Variants in GPC6 observed in about 807,000 individuals in gnomAD.
GPC6 encodes glypican 6, also known as glypican-6.
In GPC6, 14 loss-of-function variants were observed where a neutral mutation model predicts 55.2. The ratio of observed to expected loss-of-function variants is 0.25; its 90% CI spans 0.17 to 0.40. GPC6 has a LOEUF of 0.40. Ranked by LOEUF, GPC6 falls within the 10% of genes least tolerant of loss-of-function variation. The pLI is 1.00. For missense variants in GPC6, 641 were observed against 708.5 expected, an observed-to-expected ratio of 0.90 and a Z score of 1.08; for synonymous variants, 278 against 259.6, an observed-to-expected ratio of 1.07 and a Z score of -0.68.
intron 1 of GPC6, among the ~76,000 whole-genome samples, chr13:93,449,312 G>A (rs1566363350): frequency 1.3e-5 from 2 of 152,188 alleles, no homozygotes; most frequent in Non-Finnish European, 1.5e-5. Flanking sequence ...GGTATTGCCA[G>A]GACATCCAGT....
chr13:93,853,163 G>T (rs1051330655), intron 3 of GPC6, among the ~76,000 whole-genome samples: 9 of 151,694 alleles, frequency 5.9e-5, no homozygotes, highest in African/African-American at 1.9e-4. Flanking sequence ...CTAATTAAAT[G>T]GTGGGGATAA....
chr13:93,510,995 A>ATATG (rs1555306608), intron 1 of GPC6, among the ~76,000 whole-genome samples: 26 of 91,528 alleles, frequency 2.8e-4, no homozygotes, highest in African/African-American at 8.5e-4. Flanking sequence ...GTGTATATAT[A>ATATG]TATATATATA....
intron 1 of GPC6, among the ~76,000 whole-genome samples, chr13:93,349,681 A>C (rs1189898306): frequency 1.3e-5 from 2 of 152,180 alleles, no homozygotes; most frequent in Non-Finnish European, 2.9e-5. Context: ...TTCACTCTAC[A>C]TAGAAAAATA....
In GPC6 at chr13:93,233,749, C is replaced by A. The variant is rs558361321; in HGVS notation, c.160+6133C>A. 5.2e-4 allele frequency among the ~76,000 whole-genome samples: 79 copies of A among 152,112 alleles called. 5 individuals are homozygous for A. Among genetic ancestry groups the A allele is most frequent in the Middle Eastern group, 3.2e-3 (1 of 316 alleles). ...TTTCCTGTGTGGTGAGAATACCCTG[C>A]AAACATGAGGAGGGTTCCAGTCCCT... On this transcript the variant is annotated intron_variant, in intron 1 of 8. Coordinates refer to ENST00000377047, the MANE Select transcript of GPC6 (RefSeq NM_005708.5).
At chr13:93,833,080 T>C in intron 3 of GPC6, among the ~76,000 whole-genome samples, 1 of 140,250 alleles carries the variant, frequency 7.1e-6, no homozygotes, top group African/African-American at 2.6e-5. Context: ...GATGGATGGA[T>C]GGATGGATGG....
intron 1 of GPC6, among the ~76,000 whole-genome samples, chr13:93,426,572 AT>A (rs1364688365): frequency 2.0e-5 from 3 of 151,836 alleles, no homozygotes; most frequent in Non-Finnish European, 2.9e-5. Flanking sequence ...TGAACTCATC[AT>A]TTTTTATGGC....
At chr13:93,854,955 A>C (rs1414204830) in intron 3 of GPC6, among the ~76,000 whole-genome samples, 3 of 151,504 alleles carry the variant, frequency 2.0e-5, no homozygotes, top group African/African-American at 7.3e-5. Flanking sequence ...CCCTCACCTC[A>C]TGTACAGCCT....
intron 4 of GPC6, among the ~76,000 whole-genome samples, chr13:94,237,687 G>A (rs1890921423): frequency 1.3e-5 from 2 of 152,246 alleles, no homozygotes; most frequent in African/African-American, 4.8e-5. Flanking sequence ...GAAGGCTGGT[G>A]TAGTGAACTA....
At chr13:93,896,003 A>G (rs1176482455) in intron 3 of GPC6, among the ~76,000 whole-genome samples, 2 of 152,102 alleles carry the variant, frequency 1.3e-5, no homozygotes, top group Non-Finnish European at 2.9e-5. Context: ...ATAATTAACA[A>G]TAACTTAGTG....
rs1001054930 is a variant in GPC6, at chr13:93,227,311, T to G, written c.-146T>G. 2.2e-4 allele frequency: 162 copies of G among 743,518 alleles called. No individual in the cohort carries two copies. Among genetic ancestry groups the G allele is most frequent in the Non-Finnish European group, 3.2e-4 (140 of 442,756 alleles). The allele number at this position is 743,518 out of a possible 1,614,324, so 46.1% of individuals were successfully genotyped here. On this transcript the variant is annotated 5_prime_UTR_variant, in exon 1 of 9. Transcript: ENST00000377047. This position sits in a 1 kb window ranked among gnomAD's most constrained non-coding sequence, Gnocchi z 4.3. ...CTGAGCGCAGTCCAGAGGGCTGCGC[T>G]GCTCGTCCCCTCGGCTGGCAGAAGG...
intron 4 of GPC6, among the ~76,000 whole-genome samples, chr13:94,260,509 G>A (rs552825698): frequency 6.6e-6 from 1 of 152,210 alleles, no homozygotes; most frequent in African/African-American, 2.4e-5. Context: ...TTCCTTCTCT[G>A]TGTGTCTGCA....
At chr13:94,141,332 A>G (rs995114306) in intron 4 of GPC6, among the ~76,000 whole-genome samples, 1 of 152,208 alleles carries the variant, frequency 6.6e-6, no homozygotes, top group Non-Finnish European at 1.5e-5. Context: ...AATGCTTAAT[A>G]TAAGGAAGTC....
At chr13:94,240,138 A>T (rs1891009332) in intron 4 of GPC6, among the ~76,000 whole-genome samples, 1 of 152,110 alleles carries the variant, frequency 6.6e-6, no homozygotes, top group Non-Finnish European at 1.5e-5. Context: ...ATTACAAAAA[A>T]AGTTCCCCCT....
At chr13:94,008,179 A>G (rs1882097045) in intron 3 of GPC6, among the ~76,000 whole-genome samples, 1 of 152,194 alleles carries the variant, frequency 6.6e-6, no homozygotes, top group South Asian at 2.1e-4. Context: ...ATCATCCTGA[A>G]ACCTTCAATG....
intron 2 of GPC6, among the ~76,000 whole-genome samples, chr13:93,748,049 G>A (rs1182438323): frequency 6.6e-6 from 1 of 152,166 alleles, no homozygotes; most frequent in Middle Eastern, 3.2e-3. Flanking sequence ...AAAATATGAT[G>A]TTGTGACTTG....
intron 2 of GPC6, among the ~76,000 whole-genome samples, chr13:93,683,976 A>C (rs1881948652): frequency 2.0e-5 from 3 of 152,092 alleles, no homozygotes; most frequent in Non-Finnish European, 4.4e-5. Context: ...CAGACAGAAG[A>C]AGCAAGCTCT....
intron 3 of GPC6, among the ~76,000 whole-genome samples, chr13:93,996,604 C>G (rs536045687): frequency 1.3e-5 from 2 of 152,176 alleles, no homozygotes; most frequent in African/African-American, 4.8e-5. Context: ...GCAAACTGCT[C>G]TGCTTATTAA....
At chr13:94,141,284 G>A (rs563357254) in intron 4 of GPC6, among the ~76,000 whole-genome samples, 10 of 152,268 alleles carry the variant, frequency 6.6e-5, no homozygotes, top group African/African-American at 2.4e-4. Context: ...GGTTAAAGGA[G>A]GAAAGCTTTG....
At chr13:94,131,314 T>C (rs1231435283) in intron 4 of GPC6, among the ~76,000 whole-genome samples, 1 of 152,158 alleles carries the variant, frequency 6.6e-6, no homozygotes, top group Admixed American at 6.6e-5. Context: ...TACAATGGGC[T>C]TTAAAAATTC....
Sources: allele counts gnomAD v4.1 joint callset (sites outside exome capture counted in the v4.1 genomes callset), GRCh38; gene constraint gnomAD v4.1.1; non-coding constraint Gnocchi (gnomAD v3.1); transcripts MANE v1.5; gene names NCBI Gene and HGNC (gene_info 2026-07-23, HGNC 2026-07-21).